The following CNTNAP2 variants were observed in gnomAD, a reference collection of about 807,000 sequenced individuals.
The protein encoded by CNTNAP2 is contactin associated protein 2.
A neutral mutation model predicts 155.2 loss-of-function variants in CNTNAP2; 98 were observed. The observed-to-expected ratio is 0.63, with a 90% CI of 0.54 to 0.75. CNTNAP2 has a LOEUF of 0.75. Among genes scored for constraint, CNTNAP2 ranks in the 30% least tolerant of loss-of-function variants. The probability of loss-of-function intolerance (pLI) is 0.00; values close to 1 mark genes in which losing one functional copy is unlikely to be tolerated. For missense variants in CNTNAP2, 1,727 were observed against 1,688.1 expected, an observed-to-expected ratio of 1.02 and a Z score of -0.40; for synonymous variants, 651 against 631.2, an observed-to-expected ratio of 1.03 and a Z score of -0.47.
chr7:148,030,669 CTT>C (rs34338936), intron 15 of CNTNAP2, among the ~76,000 whole-genome samples: 6,238 of 129,434 alleles, frequency 0.048, 268 homozygotes, highest in East Asian at 0.28. Context: ...TTATCCAGCT[CTT>C]TTTTTTTTTT....
intron 13 of CNTNAP2, among the ~76,000 whole-genome samples, chr7:147,783,062 C>T (rs1188311192): frequency 6.6e-6 from 1 of 152,124 alleles, no homozygotes; most frequent in African/African-American, 2.4e-5. Context: ...TAATATTTGC[C>T]AAATGAAGCA....
At chr7:146,430,568 A>G (rs1796160090) in intron 1 of CNTNAP2, among the ~76,000 whole-genome samples, 5 of 152,006 alleles carry the variant, frequency 3.3e-5, no homozygotes, top group Admixed American at 3.3e-4. Flanking sequence ...GTGTTATATA[A>G]TGTACTCAGG....
chr7:147,301,670 T>C (rs1255151274), intron 9 of CNTNAP2, among the ~76,000 whole-genome samples: 4 of 147,770 alleles, frequency 2.7e-5, no homozygotes, highest in African/African-American at 9.9e-5. Context: ...TAAGGTGACA[T>C]GAGAGCAGCC....
chr7:146,586,031 C>CAAAACAAAACA (rs112095798), intron 1 of CNTNAP2, among the ~76,000 whole-genome samples: 1 of 135,438 alleles, frequency 7.4e-6, no homozygotes, highest in East Asian at 2.2e-4. Context: ...CAAAACAAAA[C>CAAAACAAAACA]AAACAAAAGA....
At chr7:146,886,684 G>A (rs370175521) in intron 3 of CNTNAP2, among the ~76,000 whole-genome samples, 2 of 150,994 alleles carry the variant, frequency 1.3e-5, no homozygotes, top group South Asian at 4.2e-4. Context: ...TGCCAAGTAG[G>A]AATCTGCTTA....
intron 3 of CNTNAP2, among the ~76,000 whole-genome samples, chr7:147,040,701 T>G (rs1333099746): frequency 6.6e-6 from 1 of 152,052 alleles, no homozygotes; most frequent in Admixed American, 6.6e-5. Context: ...CCTCAAGCGA[T>G]CAGCCCACCT....
intron 14 of CNTNAP2, among the ~76,000 whole-genome samples, chr7:147,921,928 G>A (rs956400628): frequency 1.3e-5 from 2 of 152,182 alleles, no homozygotes; most frequent in African/African-American, 2.4e-5. Context: ...GCTGAGACAT[G>A]TGGTGGGATT....
At chr7:148,118,340 G>T (rs1244200795) in intron 16 of CNTNAP2, 52 bp downstream of exon 16, 4 of 1,594,698 alleles carry the variant, frequency 2.5e-6, no homozygotes, top group Non-Finnish European at 3.4e-6. Flanking sequence ...GTCACCTCAG[G>T]GTGGTCCGGG....
chr7:148,272,393 GAA>G (rs560208158), intron 21 of CNTNAP2, among the ~76,000 whole-genome samples: 117 of 152,280 alleles, frequency 7.7e-4, no homozygotes, highest in African/African-American at 2.8e-3. Context: ...TCAAGGAAGA[GAA>G]ATATAACTTG....
intron 1 of CNTNAP2, among the ~76,000 whole-genome samples, chr7:146,289,324 A>G (rs1231091409): frequency 6.6e-6 from 1 of 152,234 alleles, no homozygotes; most frequent in Non-Finnish European, 1.5e-5. Context: ...TCTTGGAGAA[A>G]CAGAAGCTAT....
rs1800006444 is a variant in CNTNAP2 at position 148,416,875 on chromosome 7, G to A, written c.*1259G>A. 1.3e-5 allele frequency: 2 copies of A among 152,344 alleles called. No individual in the cohort carries two copies. The highest frequency in any genetic ancestry group is 1.3e-4 in the Admixed American group (2 of 15,274). The allele number at this position is 152,344 out of a possible 1,614,324, so 9.4% of individuals were successfully genotyped here. A position where few individuals can be genotyped will look rare whatever the true frequency, so the allele number is the denominator to read the frequency against. On this transcript the variant is annotated 3_prime_UTR_variant, in exon 24 of 24. Transcript: ENST00000361727. The stretch of plus-strand genomic sequence containing the variant: ...GCTTCCCAGAGGATGGAGAAGTGTA[G>A]TTAATCACACCTCTTAGTTTAATCT...
At chr7:146,793,827 G>A (rs1408872058) in intron 2 of CNTNAP2, among the ~76,000 whole-genome samples, 2 of 152,292 alleles carry the variant, frequency 1.3e-5, no homozygotes, top group Middle Eastern at 3.4e-3. Flanking sequence ...ATGAAGAGTA[G>A]GCAGTATGTG....
chr7:148,211,127 A>T (rs1795541121), intron 18 of CNTNAP2, among the ~76,000 whole-genome samples: 1 of 152,222 alleles, frequency 6.6e-6, no homozygotes, highest in African/African-American at 2.4e-5. Flanking sequence ...ATTAAAAAGC[A>T]GTTAATGAGA....
chr7:147,788,607 C>A (rs963774204), intron 13 of CNTNAP2, among the ~76,000 whole-genome samples: 1 of 152,124 alleles, frequency 6.6e-6, no homozygotes, highest in East Asian at 1.9e-4. Flanking sequence ...CTTCTATATG[C>A]AAATGACATC....
chr7:147,141,095 T>C (rs1288588838), intron 8 of CNTNAP2, among the ~76,000 whole-genome samples: 1 of 152,142 alleles, frequency 6.6e-6, no homozygotes, highest in East Asian at 1.9e-4. Context: ...GTAAGTTAGG[T>C]CCTGCATTAT....
At chr7:146,894,343 G>A (rs932867281) in intron 3 of CNTNAP2, among the ~76,000 whole-genome samples, 5 of 152,200 alleles carry the variant, frequency 3.3e-5, no homozygotes, top group Middle Eastern at 3.4e-3. Flanking sequence ...AATACCCTTC[G>A]AAATCTGTGG....
intron 1 of CNTNAP2, among the ~76,000 whole-genome samples, chr7:146,583,713 T>TGGAAAAA (rs1798646580): frequency 1.3e-5 from 2 of 152,222 alleles, no homozygotes; most frequent in Non-Finnish European, 2.9e-5. Flanking sequence ...TGTAATGCAA[T>TGGAAAAA]TTATATAAAT....
At chr7:146,259,377 T>C (rs1267036910) in intron 1 of CNTNAP2, among the ~76,000 whole-genome samples, 1 of 152,122 alleles carries the variant, frequency 6.6e-6, no homozygotes, top group Non-Finnish European at 1.5e-5. Flanking sequence ...TGGAGGGCTC[T>C]GAAGAAGGCA....
At chr7:148,412,244 G>GT (rs1799857887) in intron 23 of CNTNAP2, among the ~76,000 whole-genome samples, 1 of 152,280 alleles carries the variant, frequency 6.6e-6, no homozygotes, top group Admixed American at 6.5e-5. Flanking sequence ...CCGGCCTGTT[G>GT]TATCTTTATA....
Sources: allele counts gnomAD v4.1 joint callset (sites outside exome capture counted in the v4.1 genomes callset), GRCh38; gene constraint gnomAD v4.1.1; transcripts MANE v1.5; gene names NCBI Gene and HGNC (gene_info 2026-07-23, HGNC 2026-07-21).